The following TRIM67 variants were observed in gnomAD, a reference collection of about 807,000 sequenced individuals.
TRIM67 encodes the protein tripartite motif containing 67, also known as tripartite motif-containing protein 67.
Under a neutral mutation model 71.0 loss-of-function variants are expected in TRIM67, and 39 were observed. The ratio of observed to expected loss-of-function variants is 0.55; its 90% CI spans 0.43 to 0.72. The LOEUF is 0.72. Ranked by LOEUF, TRIM67 falls within the 30% of genes least tolerant of loss-of-function variation. The pLI is 0.00. For synonymous variants in TRIM67, 481 were observed against 473.9 expected (o/e 1.01, Z -0.19); for missense variants, 973 against 1,079.2 (o/e 0.90, Z 1.38).
intron 1 of TRIM67, among the ~76,000 whole-genome samples, chr1:231,165,993 G>A (rs564917689): frequency 2.6e-5 from 4 of 152,314 alleles, no homozygotes; most frequent in African/African-American, 4.8e-5. Flanking sequence ...GTTAGATAAT[G>A]AGCTATGGTT....
In TRIM67 at chr1:231,220,081, A is replaced by G; in HGVS notation, c.*4641A>G. On this transcript the variant is annotated 3_prime_UTR_variant, in exon 10 of 10. Transcript: ENST00000366653. ...TCCTCTGATGTATTGTGAGGATTAT[A>G]CAATAACATTTTTAAAGAAAAAAAG... 1.4e-6 allele frequency: 1 copy of G among 697,736 alleles called. No homozygotes were observed. Among genetic ancestry groups the G allele is most frequent in the Admixed American group, 2.9e-5 (1 of 34,232 alleles). The allele number at this position is 697,736 out of a possible 1,614,324, so 43.2% of individuals were successfully genotyped here. A position where few individuals can be genotyped will look rare whatever the true frequency, so the allele number is the denominator to read the frequency against.
intron 1 of TRIM67, among the ~76,000 whole-genome samples, chr1:231,182,839 G>C (rs962943589): frequency 6.6e-6 from 1 of 152,224 alleles, no homozygotes; most frequent in Admixed American, 6.5e-5. Flanking sequence ...CCTTGTCAGA[G>C]GAAGAAGCCC....
intron 1 of TRIM67, among the ~76,000 whole-genome samples, chr1:231,188,288 C>A (rs947714639): frequency 6.6e-6 from 1 of 152,178 alleles, no homozygotes; most frequent in Non-Finnish European, 1.5e-5. Flanking sequence ...CTGATGGCAA[C>A]GTTGCTTTAT....
intron 1 of TRIM67, among the ~76,000 whole-genome samples, chr1:231,183,736 G>A (rs1682973952): frequency 6.6e-6 from 1 of 152,134 alleles, no homozygotes; most frequent in African/African-American, 2.4e-5. Context: ...CATTGAATAT[G>A]TGCCAGGTGC....
At chr1:231,183,249 T>G (rs967438564) in intron 1 of TRIM67, among the ~76,000 whole-genome samples, 18 of 151,972 alleles carry the variant, frequency 1.2e-4, no homozygotes, top group African/African-American at 4.3e-4. Flanking sequence ...TCTGCTAGAG[T>G]CCTTTGCTCT....
chr1:231,183,408 G>T (rs1682962348), intron 1 of TRIM67, among the ~76,000 whole-genome samples: 1 of 152,038 alleles, frequency 6.6e-6, no homozygotes, highest in Non-Finnish European at 1.5e-5. Flanking sequence ...AGACCAACCT[G>T]GGCAACACAG....
At chr1:231,211,020 C>CAAAA (rs113952856) in intron 8 of TRIM67, among the ~76,000 whole-genome samples, 2 of 133,858 alleles carry the variant, frequency 1.5e-5, no homozygotes, top group Non-Finnish European at 3.2e-5. Context: ...TCCTCTCTAC[C>CAAAA]AAAAAAAAAA....
At chr1:231,182,622 G>A (rs1682937718) in intron 1 of TRIM67, among the ~76,000 whole-genome samples, 1 of 152,138 alleles carries the variant, frequency 6.6e-6, no homozygotes, top group African/African-American at 2.4e-5. Flanking sequence ...GAATGGCAAG[G>A]GCACAGGCAC....
At chr1:231,165,920 A>G (rs73114162) in intron 1 of TRIM67, among the ~76,000 whole-genome samples, 5,969 of 152,264 alleles carry the variant, frequency 0.039, 198 homozygotes, top group African/African-American at 0.09. Flanking sequence ...GTGGAAACCA[A>G]AGAGAGTTGA....
chr1:231,188,593 A>G (rs1683149565), intron 1 of TRIM67, among the ~76,000 whole-genome samples: 1 of 152,188 alleles, frequency 6.6e-6, no homozygotes, highest in Non-Finnish European at 1.5e-5. Context: ...GAGTGCAAAG[A>G]GCATCGACTT....
chr1:231,184,692 C>G (rs1683006476), intron 1 of TRIM67: 1 of 376,970 alleles, frequency 2.7e-6, no homozygotes, highest in Non-Finnish European at 4.9e-6. Flanking sequence ...AGGTCAACAG[C>G]AGAAAAACAA....
At chr1:231,178,436 A>G (rs1682812256) in intron 1 of TRIM67, among the ~76,000 whole-genome samples, 1 of 152,252 alleles carries the variant, frequency 6.6e-6, no homozygotes, top group African/African-American at 2.4e-5. Flanking sequence ...TGCGTGTTCA[A>G]TAAAAGAAAG....
At chr1:231,185,226 C>T in intron 1 of TRIM67, 1 of 1,533,020 alleles carries the variant, frequency 6.5e-7, no homozygotes, top group Non-Finnish European at 8.7e-7. Flanking sequence ...GAGCCTTTAT[C>T]TGAAAACTCC....
At chr1:231,165,516 AC>A (rs1207262209) in intron 1 of TRIM67, among the ~76,000 whole-genome samples, 3 of 152,226 alleles carry the variant, frequency 2.0e-5, no homozygotes, top group Non-Finnish European at 4.4e-5. Context: ...GCAGAAAGCT[AC>A]AGGGAAGTAG....
chr1:231,185,551 G>T (rs934237244), intron 1 of TRIM67, among the ~76,000 whole-genome samples: 8 of 151,778 alleles, frequency 5.3e-5, no homozygotes, highest in Non-Finnish European at 7.4e-5. Context: ...CACAGAGGAT[G>T]CCTTGGGCTG....
rs3795653 is a variant in TRIM67 at position 231,221,356 on chromosome 1, G to C, written c.*5916G>C. 40,500 of 152,222 alleles carry C rather than the reference G, an allele frequency of 0.27. 5,465 individuals are homozygous for C. The highest frequency in any genetic ancestry group is 0.33 in the Admixed American group (5,058 of 15,242). 9.4% of individuals were successfully genotyped at this position (152,222 alleles called of 1,614,324 possible). A position where few individuals can be genotyped will look rare whatever the true frequency, so the allele number is the denominator to read the frequency against. ...TGTGGATGTTCCACTGAAAACACGGGGGGTAGCGGGGAGTGGTAAGGAAAG... is the reference window on the plus strand; with the variant it reads ...TGTGGATGTTCCACTGAAAACACGGCGGGTAGCGGGGAGTGGTAAGGAAAG... On this transcript the variant is annotated 3_prime_UTR_variant, in exon 10 of 10. Transcript: ENST00000366653.
chr1:231,190,857 C>T (rs1683213267), intron 1 of TRIM67, among the ~76,000 whole-genome samples: 1 of 152,116 alleles, frequency 6.6e-6, no homozygotes, highest in Admixed American at 6.5e-5. Flanking sequence ...CTCCTTTGTC[C>T]TATTCTTTCC....
intron 8 of TRIM67, 79 bp from the exon 9 acceptor site, chr1:231,213,736 A>C: frequency 6.8e-7 from 1 of 1,467,816 alleles, no homozygotes; most frequent in Non-Finnish European, 9.1e-7. Flanking sequence ...GTCTCTAAAT[A>C]AGTAAATAAT....
In TRIM67 at chr1:231,167,461, T is replaced by G. The variant is rs1457274106; in HGVS notation, c.1044+3448T>G. ...CCTCAGCCTCCCAAGTAGCTGGGAC[T>G]ACAGGCGCCCGCCACTACGCCCGGC... On this transcript the variant is annotated intron_variant, in intron 1 of 9. Transcript: ENST00000366653. 1.5e-4 allele frequency among the ~76,000 whole-genome samples: 19 copies of G among 124,702 alleles called. 1 individual carries two copies. Among genetic ancestry groups the G allele is most frequent in the Admixed American group, 1.5e-3 (19 of 12,558 alleles). The allele number at this position is 124,702 out of a possible 152,430, so 81.8% of individuals were successfully genotyped here.
Sources: allele counts gnomAD v4.1 joint callset (sites outside exome capture counted in the v4.1 genomes callset), GRCh38; gene constraint gnomAD v4.1.1; transcripts MANE v1.5; gene names NCBI Gene and HGNC (gene_info 2026-07-23, HGNC 2026-07-21).